SH3RF1: variants seen among roughly 807,000 people sequenced by gnomAD.
SH3RF1 encodes the protein E3 ubiquitin-protein ligase SH3RF1.
SH3RF1 carries 32 observed loss-of-function variants against 74.0 expected under a neutral mutation model. The observed-to-expected ratio is 0.43, with a 90% CI of 0.33 to 0.58. SH3RF1 has a LOEUF of 0.58. Ranked by LOEUF, SH3RF1 falls within the 20% of genes least tolerant of loss-of-function variation. The pLI is 0.05. For synonymous variants in SH3RF1, 396 were observed against 439.6 expected (o/e 0.90, Z 1.24); for missense variants, 954 against 1,130.9 (o/e 0.84, Z 2.24).
intron 2 of SH3RF1, among the ~76,000 whole-genome samples, chr4:169,242,828 CAG>C (rs1730934535): frequency 2.6e-5 from 4 of 152,336 alleles, no homozygotes; most frequent in East Asian, 1.9e-4. Context: ...AAGCCCTTGC[CAG>C]ATCTGGCCCC....
intron 11 of SH3RF1, among the ~76,000 whole-genome samples, chr4:169,106,098 A>G (rs1455865486): frequency 1.3e-5 from 2 of 151,020 alleles, no homozygotes; most frequent in African/African-American, 2.4e-5. Context: ...GTGTGTGTGT[A>G]TATATATTTA....
intron 6 of SH3RF1, among the ~76,000 whole-genome samples, chr4:169,125,526 T>C (rs531015917): frequency 6.6e-6 from 1 of 152,280 alleles, no homozygotes; most frequent in African/African-American, 2.4e-5. Context: ...CAGGCCAGCT[T>C]GCCAGTAAAG....
intron 5 of SH3RF1, among the ~76,000 whole-genome samples, chr4:169,134,178 C>A (rs1733661722): frequency 6.6e-6 from 1 of 152,194 alleles, no homozygotes; most frequent in Admixed American, 6.5e-5. Flanking sequence ...AGGCAACACT[C>A]TGCCACTGAA....
chr4:169,127,254 T>C (rs1480162507), intron 6 of SH3RF1, among the ~76,000 whole-genome samples: 3 of 152,240 alleles, frequency 2.0e-5, no homozygotes, highest in Non-Finnish European at 2.9e-5. Flanking sequence ...GCATAAAAGA[T>C]TTAAAAATCT....
At chr4:169,249,297 G>C (rs1281901386) in intron 2 of SH3RF1, among the ~76,000 whole-genome samples, 1 of 152,178 alleles carries the variant, frequency 6.6e-6, no homozygotes, top group Admixed American at 6.5e-5. Flanking sequence ...ATGTGATAAA[G>C]CCCCTTATAA....
chr4:169,269,322 A>G lies in SH3RF1; in HGVS notation c.-95-15T>C. On this transcript the variant is annotated splice_polypyrimidine_tract_variant and intron_variant, in intron 1 of 11. Transcript: ENST00000284637. ...CAGACTTTGCTCTAGAGTCATGGGG[A>G]AAAGGGGGAAAAGAGAACATGAGTG... 1 of 1,153,940 alleles carries G rather than the reference A, an allele frequency of 8.7e-7. No homozygotes were observed. The highest frequency in any genetic ancestry group is 1.2e-6 in the Non-Finnish European group (1 of 843,074). The allele number at this position is 1,153,940 out of a possible 1,614,324, so 71.5% of individuals were successfully genotyped here.
chr4:169,133,615 T>C (rs770393643), intron 5 of SH3RF1, among the ~76,000 whole-genome samples: 7 of 144,522 alleles, frequency 4.8e-5, no homozygotes, highest in Non-Finnish European at 9.1e-5. Context: ...CCATCTCTAC[T>C]AAAAATATAA....
At chr4:169,121,234 C>T (rs1434942922) in intron 7 of SH3RF1, among the ~76,000 whole-genome samples, 1 of 152,210 alleles carries the variant, frequency 6.6e-6, no homozygotes, top group Non-Finnish European at 1.5e-5. Flanking sequence ...GTTACTATCC[C>T]ACCAAATAGT....
chr4:169,234,915 C>A (rs1730803604), intron 2 of SH3RF1, among the ~76,000 whole-genome samples: 1 of 152,046 alleles, frequency 6.6e-6, no homozygotes. Flanking sequence ...ATGCCAGTAG[C>A]AACCCCCTCC....
At chr4:169,161,068 C>T (rs1451820482) in intron 2 of SH3RF1, among the ~76,000 whole-genome samples, 1 of 152,176 alleles carries the variant, frequency 6.6e-6, no homozygotes, top group Non-Finnish European at 1.5e-5. Context: ...GGCCAAGGCC[C>T]CCAAGGATCC....
At position 169,103,543 on chromosome 4, in the gene SH3RF1, GC is replaced by G. The variant is rs1378055681; in HGVS notation, c.2498+3303del. Among the ~76,000 whole-genome samples, 3 of 152,224 alleles carry G rather than the reference GC, an allele frequency of 2.0e-5. No individual in the cohort carries two copies. The East Asian group carries it at 5.8e-4, about 29-fold the overall frequency. On this transcript the variant is annotated intron_variant, in intron 11 of 11. Coordinates refer to ENST00000284637, the MANE Select transcript of SH3RF1 (RefSeq NM_020870.4). ...ATCTTTCCTTCATTTTCAGCATTGAGCACTTTTTATTGTGTTGAAATGTTTA... is the reference window on the plus strand; with the variant it reads ...ATCTTTCCTTCATTTTCAGCATTGAGACTTTTTATTGTGTTGAAATGTTTA...
intron 2 of SH3RF1, among the ~76,000 whole-genome samples, chr4:169,268,378 A>C (rs1290733898): frequency 6.6e-6 from 1 of 152,240 alleles, no homozygotes; most frequent in East Asian, 1.9e-4. Context: ...TCTAAGCAAC[A>C]TAAAAATTAA....
chr4:169,177,037 TG>T (rs1734432672), intron 2 of SH3RF1, among the ~76,000 whole-genome samples: 1 of 152,146 alleles, frequency 6.6e-6, no homozygotes, highest in Non-Finnish European at 1.5e-5. Context: ...TTTAGGAGGC[TG>T]GGATTTTGGT....
intron 11 of SH3RF1, among the ~76,000 whole-genome samples, chr4:169,103,961 C>T (rs372167009): frequency 5.3e-5 from 8 of 152,180 alleles, no homozygotes; most frequent in Admixed American, 2.6e-4. Context: ...TCTCCATGTT[C>T]CCTATCTGAT....
In SH3RF1 at chr4:169,096,359, C is replaced by G; in HGVS notation, c.*160G>C. 1 of 705,310 alleles carries G rather than the reference C, an allele frequency of 1.4e-6. No homozygotes were observed. Among genetic ancestry groups the G allele is most frequent in the Non-Finnish European group, 2.3e-6 (1 of 431,682 alleles). 43.7% of individuals were successfully genotyped at this position (705,310 alleles called of 1,614,324 possible). A position where few individuals can be genotyped will look rare whatever the true frequency, so the allele number is the denominator to read the frequency against. On this transcript the variant is annotated 3_prime_UTR_variant, in exon 12 of 12. Transcript: ENST00000284637. ...AACCCACACAAACATCTTCTTCATT[C>G]TGCTCGCTGGGGTAACTGTGCTGGG...
At chr4:169,109,702 A>G (rs1460729940) in intron 10 of SH3RF1, among the ~76,000 whole-genome samples, 1 of 152,176 alleles carries the variant, frequency 6.6e-6, no homozygotes, top group Non-Finnish European at 1.5e-5. Flanking sequence ...AATGAAAACT[A>G]AATGAATTAA....
chr4:169,266,089 T>C (rs2110764195), intron 2 of SH3RF1, among the ~76,000 whole-genome samples: 1 of 152,294 alleles, frequency 6.6e-6, no homozygotes, highest in South Asian at 2.1e-4. Flanking sequence ...ACTGATGGAT[T>C]CCCATGGTGA....
chr4:169,230,793 T>A (rs58433625), intron 2 of SH3RF1, among the ~76,000 whole-genome samples: 155 of 149,566 alleles, frequency 1.0e-3, no homozygotes, highest in African/African-American at 3.6e-3. Context: ...GAGGCAGAGG[T>A]TGCAGTGAGC....
Position 169,151,287 on chromosome 4 carries a change from G to GA in SH3RF1, c.765+4192dup, listed in dbSNP as rs776633964. On this transcript the variant is annotated intron_variant, in intron 4 of 11. Transcript: ENST00000284637. ...AAATAACTGGAAATACTCACAGAGA[G>GA]AAAAAAGGGTTAATAATTTCTAGGG... Among the ~76,000 whole-genome samples the GA allele has an allele frequency of 4.1e-4, 62 of 152,160 alleles. 2 individuals are homozygous for GA. Among genetic ancestry groups the GA allele is most frequent in the Middle Eastern group, 3.4e-3 (1 of 294 alleles).
Sources: allele counts gnomAD v4.1 joint callset (sites outside exome capture counted in the v4.1 genomes callset), GRCh38; gene constraint gnomAD v4.1.1; transcripts MANE v1.5; gene names NCBI Gene and HGNC (gene_info 2026-07-23, HGNC 2026-07-21).